MAST4: variants seen among roughly 807,000 people sequenced by gnomAD.
MAST4 encodes microtubule associated serine/threonine kinase family member 4, also known as microtubule-associated serine/threonine-protein kinase 4.
Under a neutral mutation model 162.7 loss-of-function variants are expected in MAST4, and 89 were observed. The ratio of observed to expected loss-of-function variants is 0.55; its 90% CI spans 0.46 to 0.65. MAST4 has a LOEUF of 0.65. Among genes scored for constraint, MAST4 ranks in the 30% least tolerant of loss-of-function variants. The pLI, the probability that MAST4 is intolerant of heterozygous loss-of-function variation, is 0.00. For synonymous variants in MAST4, 1,479 were observed against 1,361.1 expected (o/e 1.09, Z -1.91); for missense variants, 3,153 against 3,374.0 (o/e 0.93, Z 1.62).
At chr5:66,670,397 C>T (rs1019648010) in intron 1 of MAST4, among the ~76,000 whole-genome samples, 1 of 152,020 alleles carries the variant, frequency 6.6e-6, no homozygotes, top group Admixed American at 6.6e-5. Context: ...TTTACCAACT[C>T]CTAATCGTTG....
At chr5:67,001,461 ATAAATT>A (rs1561518890) in intron 4 of MAST4, 1 of 152,010 alleles carries the variant, frequency 6.6e-6, no homozygotes, top group African/African-American at 2.4e-5. Context: ...AAAAAAAAAA[ATAAATT>A]TAAAGTATAT....
chr5:66,677,898 T>C (rs1748059174), intron 1 of MAST4, among the ~76,000 whole-genome samples: 1 of 152,068 alleles, frequency 6.6e-6, no homozygotes, highest in South Asian at 2.1e-4. Flanking sequence ...CCGATGAACT[T>C]GTTGAAAATG....
intron 1 of MAST4, among the ~76,000 whole-genome samples, chr5:66,744,365 C>T (rs1247588919): frequency 2.0e-5 from 3 of 152,184 alleles, no homozygotes; most frequent in African/African-American, 4.8e-5. Context: ...CCTCAAACAG[C>T]TCGTTTTCCC....
At chr5:66,661,555 G>A (rs1746911108) in intron 1 of MAST4, among the ~76,000 whole-genome samples, 1 of 152,172 alleles carries the variant, frequency 6.6e-6, no homozygotes, top group Non-Finnish European at 1.5e-5. Context: ...TGGCTAATGA[G>A]AAAGAAAAGG....
chr5:67,165,112 C>T lies in MAST4; in HGVS notation c.5933C>T (p.Pro1978Leu). Residue 1978 changes from proline (P) to leucine (L), a missense_variant, in exon 29 of 29, where the codon CCT becomes CTT. Physicochemically the swap from Pro to Leu is moderately conservative, Grantham distance 98 (BLOSUM62 -3). This residue lies in a region of MAST4 where 1,644 missense variants were observed against 1,495.0 expected (regional missense o/e 1.10). Transcript: ENST00000403625. ...CTGAGGGAATCGTCTGAAAGAGGCC[C>T]TCCCACAGCCAGAAGCGAGCGCTCT... is the stretch of plus-strand genomic sequence containing the variant. ...PGLRESSERG[P>L]PTARSERSAA... 6.3e-7 allele frequency: 1 copy of T among 1,589,846 alleles called. No individual in the cohort carries two copies. Among genetic ancestry groups the T allele is most frequent in the Non-Finnish European group, 8.6e-7 (1 of 1,167,984 alleles).
At chr5:67,085,929 G>A (rs1192188868) in intron 5 of MAST4, among the ~76,000 whole-genome samples, 1 of 152,168 alleles carries the variant, frequency 6.6e-6, no homozygotes, top group Non-Finnish European at 1.5e-5. Context: ...TTCCTGCATC[G>A]TGTTCCAGTG....
chr5:66,964,901 G>A (rs916488871), intron 4 of MAST4, among the ~76,000 whole-genome samples: 2 of 152,176 alleles, frequency 1.3e-5, no homozygotes, highest in African/African-American at 2.4e-5. Flanking sequence ...TTTCATAAAC[G>A]CAAATGAATG....
intron 12 of MAST4, among the ~76,000 whole-genome samples, chr5:67,117,680 G>T (rs1178323267): frequency 6.6e-6 from 1 of 151,914 alleles, no homozygotes; most frequent in Non-Finnish European, 1.5e-5. Flanking sequence ...TTAATTATCT[G>T]TGATCCTATC....
intron 2 of MAST4, among the ~76,000 whole-genome samples, chr5:66,764,889 G>A (rs1253573822): frequency 6.6e-6 from 1 of 152,112 alleles, no homozygotes; most frequent in East Asian, 1.9e-4. Flanking sequence ...GATGTCCTAG[G>A]TCTTCACATT....
At chr5:67,081,977 A>G (rs1006515742) in intron 5 of MAST4, among the ~76,000 whole-genome samples, 2 of 152,182 alleles carry the variant, frequency 1.3e-5, no homozygotes, top group African/African-American at 4.8e-5. Flanking sequence ...AAAGTTATCA[A>G]TAACAGGATA....
intron 1 of MAST4, among the ~76,000 whole-genome samples, chr5:66,621,000 T>G (rs1185859898): frequency 1.3e-5 from 2 of 152,126 alleles, no homozygotes; most frequent in Non-Finnish European, 2.9e-5. Flanking sequence ...GAATTGTTTC[T>G]AAATAGATTG....
At chr5:66,815,853 C>T (rs1281242047) in intron 3 of MAST4, among the ~76,000 whole-genome samples, 1 of 152,116 alleles carries the variant, frequency 6.6e-6, no homozygotes, top group Non-Finnish European at 1.5e-5. Flanking sequence ...CCTGCTGTCC[C>T]AGAGGAGAGT....
chr5:66,942,664 C>CA (rs1159614682), intron 4 of MAST4, among the ~76,000 whole-genome samples: 2 of 151,830 alleles, frequency 1.3e-5, no homozygotes, highest in African/African-American at 4.8e-5. Flanking sequence ...TACATGTGTA[C>CA]AAAAAAATGT....
intron 4 of MAST4, among the ~76,000 whole-genome samples, chr5:66,957,135 A>G (rs1745411205): frequency 6.6e-6 from 1 of 152,182 alleles, no homozygotes; most frequent in Admixed American, 6.5e-5. Context: ...AGGCTATTGA[A>G]TAATATTCTA....
chr5:66,871,555 G>T (rs1760930773), intron 3 of MAST4, among the ~76,000 whole-genome samples: 1 of 152,198 alleles, frequency 6.6e-6, no homozygotes, highest in South Asian at 2.1e-4. Flanking sequence ...ATCCCACACA[G>T]CTCAACTAAG....
chr5:66,730,348 T>C (rs1479759406), intron 1 of MAST4, among the ~76,000 whole-genome samples: 1 of 152,160 alleles, frequency 6.6e-6, no homozygotes, highest in East Asian at 1.9e-4. Context: ...TGAAGATGAA[T>C]AGGTAATTCT....
chr5:66,806,646 A>G (rs193076939), intron 3 of MAST4, among the ~76,000 whole-genome samples: 1 of 152,372 alleles, frequency 6.6e-6, no homozygotes, highest in Admixed American at 6.5e-5. Flanking sequence ...ATTTTCTATC[A>G]TAAGTTGAAA....
At chr5:66,835,267 C>G (rs1757884766) in intron 3 of MAST4, among the ~76,000 whole-genome samples, 2 of 152,114 alleles carry the variant, frequency 1.3e-5, no homozygotes, top group African/African-American at 4.8e-5. Flanking sequence ...AAATTTCTCC[C>G]TCTCTAGGTG....
At chr5:66,863,705 G>C (rs1318956161) in intron 3 of MAST4, among the ~76,000 whole-genome samples, 2 of 152,112 alleles carry the variant, frequency 1.3e-5, no homozygotes, top group Non-Finnish European at 2.9e-5. Flanking sequence ...GCAGGAGACA[G>C]GAGACAAGAA....
Sources: allele counts gnomAD v4.1 joint callset (sites outside exome capture counted in the v4.1 genomes callset), GRCh38; gene constraint gnomAD v4.1.1; regional missense constraint gnomAD v4.1.1; transcripts MANE v1.5; gene names NCBI Gene and HGNC (gene_info 2026-07-23, HGNC 2026-07-21).